Variants in LRRC9 observed in about 807,000 individuals in gnomAD.
LRRC9 encodes the protein leucine-rich repeat-containing protein 9.
A neutral mutation model predicts 63.2 loss-of-function variants in LRRC9; 122 were observed. The ratio of observed to expected loss-of-function variants is 1.93; its 90% CI spans 1.67 to 2.24. LRRC9 has a LOEUF of 2.24. Among genes scored for constraint, LRRC9 ranks in the 30% most tolerant of loss-of-function variants. LRRC9 has a pLI of 0.00. For synonymous variants in LRRC9, 366 were observed against 213.1 expected (o/e 1.72, Z -6.25); for missense variants, 1,071 against 627.7 (o/e 1.71, Z -7.55).
intron 29 of LRRC9, among the ~76,000 whole-genome samples, chr14:60,034,249 C>T (rs1445923067): frequency 6.6e-6 from 1 of 151,846 alleles, no homozygotes; most frequent in African/African-American, 2.4e-5. Context: ...AATCTCCTGA[C>T]CTCATGATCC....
chr14:59,941,125 T>G (rs909297534), intron 7 of LRRC9, among the ~76,000 whole-genome samples: 2 of 151,950 alleles, frequency 1.3e-5, no homozygotes, highest in Admixed American at 1.3e-4. Context: ...CTAAGTGATT[T>G]TGAAAAAGTT....
In LRRC9 at chr14:60,031,555, A is replaced by T. The variant is rs1314530548; in HGVS notation, c.3922-440A>T. 4.6e-5 allele frequency among the ~76,000 whole-genome samples: 7 copies of T among 152,086 alleles called. No homozygotes were observed. The highest frequency in any genetic ancestry group is 3.9e-4 in the Admixed American group (6 of 15,238). Reference sequence around the variant, plus strand: ...AGCTATATATATTCCCAGCAAGTACATCAAGACGCAATCCACTCAATATTA... The same window carrying T: ...AGCTATATATATTCCCAGCAAGTACTTCAAGACGCAATCCACTCAATATTA... On this transcript the variant is annotated intron_variant, in intron 28 of 31. Transcript: ENST00000445360. This position sits in a 1 kb window ranked among gnomAD's most constrained non-coding sequence, Gnocchi z 4.6.
chr14:59,993,408 C>T (rs1342626211), intron 17 of LRRC9, among the ~76,000 whole-genome samples: 34 of 152,082 alleles, frequency 2.2e-4, no homozygotes, highest in South Asian at 2.1e-4. Flanking sequence ...CATCAACTAA[C>T]GAGCAAAATA....
chr14:59,926,843 C>T (rs574495405), intron 1 of LRRC9, among the ~76,000 whole-genome samples: 3 of 152,226 alleles, frequency 2.0e-5, no homozygotes, highest in African/African-American at 7.2e-5. Context: ...GTAGCTATGA[C>T]CTGTATGACA....
In LRRC9 at chr14:60,051,057, A is replaced by G; in HGVS notation, c.3991-2008A>G. ...GAGTTCTCACCCAGTCAGGAGGAAC[A>G]GGATCAAGGACACACTTACAGGAGT... On this transcript the variant is annotated intron_variant, in intron 29 of 31. Transcript: ENST00000445360. This position sits in a 1 kb window ranked among gnomAD's most constrained non-coding sequence, Gnocchi z 4.7. Among the ~76,000 whole-genome samples, 1 of 152,224 alleles carries G rather than the reference A, an allele frequency of 6.6e-6. No homozygotes were observed. Among genetic ancestry groups the G allele is most frequent in the East Asian group, 1.9e-4 (1 of 5,192 alleles).
chr14:59,926,532 T>C lies in LRRC9; in HGVS notation c.-33-1379T>C, dbSNP rs1490181714. ...CACACATCATAGGTATCTAATTTTATTTTCAAATTGAACATAACCAGCACC... is the reference window on the plus strand; with the variant it reads ...CACACATCATAGGTATCTAATTTTACTTTCAAATTGAACATAACCAGCACC... On this transcript the variant is annotated intron_variant, in intron 1 of 31. Transcript: ENST00000445360. Among the ~76,000 whole-genome samples, 12 of 152,308 alleles carry C rather than the reference T, an allele frequency of 7.9e-5. No homozygotes were observed. In the East Asian group the frequency reaches 2.3e-3, roughly 29 times the overall value.
intron 23 of LRRC9, among the ~76,000 whole-genome samples, chr14:60,008,972 T>G (rs1469141044): frequency 6.6e-6 from 1 of 152,194 alleles, no homozygotes; most frequent in Non-Finnish European, 1.5e-5. Flanking sequence ...CTCCAACACA[T>G]ACAAATTCTC....
In LRRC9 at chr14:59,936,917, T is replaced by C. The variant is rs927249151; in HGVS notation, c.544-1473T>C. Among the ~76,000 whole-genome samples, 1 of 152,164 alleles carries C rather than the reference T, an allele frequency of 6.6e-6. No homozygotes were observed. The highest frequency in any genetic ancestry group is 2.4e-5 in the African/African-American group (1 of 41,442). On this transcript the variant is annotated intron_variant, in intron 6 of 31. Coordinates refer to ENST00000445360, the Ensembl canonical transcript of LRRC9. This position sits in a 1 kb window ranked among gnomAD's most constrained non-coding sequence, Gnocchi z 4.2. ...AGACCTAATGCTTCCTAGTTCTTCC[T>C]TTGGATTTCCCTTAACTCTGATTCT...
intron 23 of LRRC9, among the ~76,000 whole-genome samples, chr14:60,016,218 T>A (rs1218270972): frequency 3.9e-5 from 6 of 151,948 alleles, no homozygotes; most frequent in East Asian, 1.9e-4. Flanking sequence ...TTAAAAAAAA[T>A]TTTTAGAGAC....
At chr14:59,969,741 C>G (rs899938619) in intron 12 of LRRC9, among the ~76,000 whole-genome samples, 3 of 152,108 alleles carry the variant, frequency 2.0e-5, no homozygotes, top group African/African-American at 7.2e-5. Context: ...TGGGAGAGTA[C>G]GTAAGTAAAT....
intron 30 of LRRC9, among the ~76,000 whole-genome samples, chr14:60,055,207 G>C (rs1203250576): frequency 6.6e-6 from 1 of 152,210 alleles, no homozygotes; most frequent in African/African-American, 2.4e-5. Flanking sequence ...TTTAGGCAAA[G>C]GAAATTGATT....
In LRRC9 at chr14:59,922,090, A is replaced by AT. The variant is rs1443034063; in HGVS notation, c.-34+2207_-34+2208insT. Among the ~76,000 whole-genome samples the AT allele has an allele frequency of 5.3e-5, 8 of 152,002 alleles. No individual in the cohort carries two copies. Among genetic ancestry groups the AT allele is most frequent in the Non-Finnish European group, 1.2e-4 (8 of 68,004 alleles). On this transcript the variant is annotated intron_variant, in intron 1 of 31. Coordinates refer to ENST00000445360, the Ensembl canonical transcript of LRRC9. This position sits in a 1 kb window ranked among gnomAD's most constrained non-coding sequence, Gnocchi z 5.3. Reference sequence around the variant, plus strand: ...CAAAGTGAGATTCTGTCTCAAAAAAAAAATAAATAAATAAATAAGAAAGAA... The same window carrying AT: ...CAAAGTGAGATTCTGTCTCAAAAAAATAAATAAATAAATAAATAAGAAAGAA...
At chr14:59,985,529 T>A (rs966323824) in intron 17 of LRRC9, among the ~76,000 whole-genome samples, 3 of 152,198 alleles carry the variant, frequency 2.0e-5, no homozygotes, top group Non-Finnish European at 2.9e-5. Flanking sequence ...CTGGGCACAC[T>A]GCCCAGGAGT....
chr14:60,046,396 T>C (rs1343821832), intron 29 of LRRC9, among the ~76,000 whole-genome samples: 2 of 152,252 alleles, frequency 1.3e-5, no homozygotes, highest in East Asian at 1.9e-4. Context: ...AGGGTTTTTA[T>C]AGTTTTGGAT....
intron 23 of LRRC9, among the ~76,000 whole-genome samples, chr14:60,012,454 A>G (rs1393331783): frequency 2.0e-5 from 3 of 152,156 alleles, no homozygotes; most frequent in African/African-American, 7.2e-5. Flanking sequence ...TTTATTTGTA[A>G]AAGATTATTT....
In LRRC9 at chr14:59,990,844, G is replaced by A. The variant is rs1378903258; in HGVS notation, c.2211+5620G>A. On this transcript the variant is annotated intron_variant, in intron 17 of 31. Coordinates refer to ENST00000445360, the Ensembl canonical transcript of LRRC9. The surrounding 1 kb of genome is among the most constrained non-coding windows in gnomAD (Gnocchi z 4.2). The stretch of plus-strand genomic sequence containing the variant: ...TTGTTGACTGTTCTGGGGCTCTCCT[G>A]TTTTCAGGTCCATCAGATGCTGCCC... Among the ~76,000 whole-genome samples, 7 of 152,212 alleles carry A rather than the reference G, an allele frequency of 4.6e-5. No individual in the cohort carries two copies. Among genetic ancestry groups the A allele is most frequent in the African/African-American group, 9.7e-5 (4 of 41,444 alleles).
intron 26 of LRRC9, 55 bp downstream of exon 26, chr14:60,019,315 C>A (rs1301550083): frequency 2.2e-5 from 14 of 632,108 alleles, no homozygotes; most frequent in Non-Finnish European, 2.3e-5. Context: ...ATTTTAAAAG[C>A]AGTTAATCAC....
intron 17 of LRRC9, among the ~76,000 whole-genome samples, chr14:59,991,676 G>GCATAGCTCGGAGGGTCCTACGCC (rs1286728700): frequency 2.6e-5 from 4 of 152,266 alleles, no homozygotes; most frequent in South Asian, 2.1e-4. Context: ...TATATCCCGC[G>GCATAGCTCGGAGGGTCCTACGCC]CATAGCTCGG....
At chr14:60,029,928 A>G (rs1359503950) in intron 28 of LRRC9, among the ~76,000 whole-genome samples, 2 of 140,300 alleles carry the variant, frequency 1.4e-5, no homozygotes, top group Non-Finnish European at 3.1e-5. Flanking sequence ...ATAGTACCTT[A>G]ATGTGACCAT....
Sources: allele counts gnomAD v4.1 joint callset (sites outside exome capture counted in the v4.1 genomes callset), GRCh38; gene constraint gnomAD v4.1.1; non-coding constraint Gnocchi (gnomAD v3.1); transcripts MANE v1.5; gene names NCBI Gene and HGNC (gene_info 2026-07-23, HGNC 2026-07-21).